Variants in GLCCI1 observed in about 807,000 individuals in gnomAD.
The protein encoded by GLCCI1 is glucocorticoid-induced transcript 1 protein.
A neutral mutation model predicts 52.2 loss-of-function variants in GLCCI1; 24 were observed. That is an observed-to-expected ratio of 0.46 (90% CI 0.33 to 0.65). GLCCI1 has a LOEUF of 0.65. Among genes scored for constraint, GLCCI1 ranks in the 30% least tolerant of loss-of-function variants. GLCCI1 has a pLI of 0.02. For synonymous variants in GLCCI1, 310 were observed against 276.5 expected (o/e 1.12, Z -1.20); for missense variants, 704 against 701.5 (o/e 1.00, Z -0.04).
rs1781793439 is a variant in GLCCI1, at chr7:8,033,167, GT to G, written c.696+10599del. 2.6e-5 allele frequency among the ~76,000 whole-genome samples: 4 copies of G among 151,506 alleles called. No homozygotes were observed. The South Asian group carries it at 8.3e-4, about 31-fold the overall frequency. ...GGACATAAATTACATAATCACCTAA[GT>G]AGAGTCAGATGAAACATTTGACAAT... is the stretch of plus-strand genomic sequence containing the variant. On this transcript the variant is annotated intron_variant, in intron 3 of 7. Transcript: ENST00000223145.
At chr7:8,073,456 C>T (rs1782808162) in intron 6 of GLCCI1, among the ~76,000 whole-genome samples, 1 of 152,144 alleles carries the variant, frequency 6.6e-6, no homozygotes, top group Non-Finnish European at 1.5e-5. Context: ...TTTGTTCCTA[C>T]ATACCAGATA....
intron 5 of GLCCI1, among the ~76,000 whole-genome samples, chr7:8,063,216 C>T (rs1205928384): frequency 6.6e-6 from 1 of 152,098 alleles, no homozygotes; most frequent in Non-Finnish European, 1.5e-5. Context: ...TGGCTTACTG[C>T]AACTTCTGCC....
intron 5 of GLCCI1, among the ~76,000 whole-genome samples, chr7:8,067,962 TCTC>T (rs1006231198): frequency 2.6e-5 from 4 of 152,314 alleles, no homozygotes; most frequent in African/African-American, 7.2e-5. Flanking sequence ...TTGCTTGCTT[TCTC>T]CTCATCATTT....
intron 3 of GLCCI1, among the ~76,000 whole-genome samples, chr7:8,028,465 A>C (rs1473749661): frequency 6.6e-6 from 1 of 152,180 alleles, no homozygotes; most frequent in Non-Finnish European, 1.5e-5. Context: ...CAAAAGCAGC[A>C]CTAAGAGGGA....
intron 4 of GLCCI1, among the ~76,000 whole-genome samples, chr7:8,058,402 G>T (rs974657810): frequency 6.6e-6 from 1 of 152,046 alleles, no homozygotes; most frequent in Non-Finnish European, 1.5e-5. Flanking sequence ...TTGAAAAACT[G>T]TCTTCAAAGG....
At chr7:7,983,427 G>C (rs902110064) in intron 1 of GLCCI1, among the ~76,000 whole-genome samples, 1 of 152,126 alleles carries the variant, frequency 6.6e-6, no homozygotes, top group Admixed American at 6.5e-5. Flanking sequence ...AGTTAATGTA[G>C]TGATTCTAGA....
chr7:7,997,607 C>A (rs541688004), intron 1 of GLCCI1, among the ~76,000 whole-genome samples: 1 of 152,084 alleles, frequency 6.6e-6, no homozygotes, highest in Non-Finnish European at 1.5e-5. Flanking sequence ...AACTCACTGA[C>A]TACCTGTTAA....
intron 3 of GLCCI1, among the ~76,000 whole-genome samples, chr7:8,027,498 G>C (rs1482317636): frequency 6.6e-6 from 1 of 151,452 alleles, no homozygotes; most frequent in Non-Finnish European, 1.5e-5. Flanking sequence ...AAAAATAAAA[G>C]GAAGAAGGCA....
intron 2 of GLCCI1, among the ~76,000 whole-genome samples, chr7:8,008,575 A>C (rs1292007547): frequency 1.3e-5 from 2 of 152,194 alleles, no homozygotes; most frequent in Non-Finnish European, 2.9e-5. Flanking sequence ...GATTACAGGC[A>C]TGAGCCACCA....
chr7:8,005,856 T>C (rs575031427), intron 2 of GLCCI1, among the ~76,000 whole-genome samples: 2 of 152,172 alleles, frequency 1.3e-5, no homozygotes, highest in Non-Finnish European at 1.5e-5. Context: ...TGGAGTGCAA[T>C]GGTGTGATCT....
At chr7:8,021,144 A>T (rs1781476596) in intron 2 of GLCCI1, among the ~76,000 whole-genome samples, 1 of 152,134 alleles carries the variant, frequency 6.6e-6, no homozygotes, top group Admixed American at 6.5e-5. Flanking sequence ...TGCTTTTAAG[A>T]CGTGGTGATT....
At chr7:8,019,744 G>A (rs966729300) in intron 2 of GLCCI1, among the ~76,000 whole-genome samples, 24 of 152,272 alleles carry the variant, frequency 1.6e-4, no homozygotes, top group African/African-American at 5.5e-4. Flanking sequence ...CAGACTGTAG[G>A]CAACTGTAAC....
At chr7:8,044,183 G>C (rs999345115) in intron 3 of GLCCI1, among the ~76,000 whole-genome samples, 1 of 151,910 alleles carries the variant, frequency 6.6e-6, no homozygotes, top group Non-Finnish European at 1.5e-5. Flanking sequence ...CTGACCTCGC[G>C]ATCCACCTGC....
intron 1 of GLCCI1, among the ~76,000 whole-genome samples, chr7:7,971,047 A>C (rs1780343838): frequency 6.6e-6 from 1 of 152,178 alleles, no homozygotes; most frequent in African/African-American, 2.4e-5. Flanking sequence ...TCAGACCCGT[A>C]ATTAGCATGT....
In GLCCI1 at chr7:8,069,150, G is replaced by A. The variant is rs554095410; in HGVS notation, c.967-1771G>A. 4.0e-4 allele frequency among the ~76,000 whole-genome samples: 61 copies of A among 152,280 alleles called. No homozygotes were observed. In the Middle Eastern group the frequency reaches 0.02, roughly 51 times the overall value. On this transcript the variant is annotated intron_variant, in intron 5 of 7. Transcript: ENST00000223145. ...AGGCTTTATGTTCTCTCCCAGCTTG[G>A]AGGCAGCAGGGGAAGGGACCTTGGC... is the stretch of plus-strand genomic sequence containing the variant.
intron 1 of GLCCI1, among the ~76,000 whole-genome samples, chr7:7,993,798 A>G (rs1027537778): frequency 6.6e-6 from 1 of 151,968 alleles, no homozygotes; most frequent in Admixed American, 6.6e-5. Context: ...GAAAAAAAAA[A>G]AGAAAATATT....
At chr7:7,973,299 T>C (rs548039084) in intron 1 of GLCCI1, among the ~76,000 whole-genome samples, 1 of 152,168 alleles carries the variant, frequency 6.6e-6, no homozygotes, top group African/African-American at 2.4e-5. Flanking sequence ...AAAGAAAATA[T>C]AGTAAAGTTG....
At chr7:8,040,866 C>T (rs1462745690) in intron 3 of GLCCI1, among the ~76,000 whole-genome samples, 3 of 152,186 alleles carry the variant, frequency 2.0e-5, no homozygotes, top group Non-Finnish European at 4.4e-5. Flanking sequence ...TCATTTTCCT[C>T]TCCTTGGGCT....
At chr7:8,058,199 C>T (rs989681062) in intron 4 of GLCCI1, among the ~76,000 whole-genome samples, 1 of 151,960 alleles carries the variant, frequency 6.6e-6, no homozygotes, top group Non-Finnish European at 1.5e-5. Context: ...TACAAAATGC[C>T]TGGAATCAAA....
Sources: gnomAD v4.1 joint callset for allele counts (sites outside exome capture counted in the v4.1 genomes callset) on GRCh38, gnomAD v4.1.1 for gene constraint, MANE v1.5 for transcripts, NCBI Gene and HGNC (gene_info 2026-07-23, HGNC 2026-07-21) for gene names.